Variants in ABCA13 observed in about 807,000 individuals in gnomAD.
ABCA13 encodes the protein ATP binding cassette subfamily A member 13, also known as ATP-binding cassette sub-family A member 13.
A neutral mutation model predicts 478.7 loss-of-function variants in ABCA13; 476 were observed. The ratio of observed to expected loss-of-function variants is 0.99; its 90% CI spans 0.92 to 1.07. The LOEUF (loss-of-function observed/expected upper bound fraction) is 1.07, where lower values mean the gene tolerates loss of function less well. Among genes scored for constraint, ABCA13 ranks in the 50% least tolerant of loss-of-function variants. The pLI is 0.00. For synonymous variants in ABCA13, 2,252 were observed against 2,158.9 expected, an observed-to-expected ratio of 1.04 and a Z score of -1.20; for missense variants, 6,060 against 5,910.6, an observed-to-expected ratio of 1.03 and a Z score of -0.83.
chr7:48,526,773 T>C (rs1054879137), intron 54 of ABCA13, among the ~76,000 whole-genome samples: 7 of 152,218 alleles, frequency 4.6e-5, no homozygotes, highest in African/African-American at 1.7e-4. Context: ...CCATTGTATA[T>C]GCAGTTCATC....
At chr7:48,303,623 G>A (rs1800479076) in intron 23 of ABCA13, among the ~76,000 whole-genome samples, 2 of 152,070 alleles carry the variant, frequency 1.3e-5, no homozygotes, top group African/African-American at 4.8e-5. Flanking sequence ...TGTCAGGTTT[G>A]TCGAAGATCA....
chr7:48,421,997 G>A (rs1397646053), intron 41 of ABCA13, among the ~76,000 whole-genome samples: 1 of 128,388 alleles, frequency 7.8e-6, no homozygotes, highest in Non-Finnish European at 1.6e-5. Context: ...GTGTGAACCT[G>A]CCCCACTTCA....
intron 33 of ABCA13, 140 bp downstream of exon 33, chr7:48,372,637 A>T (rs1812831120): frequency 1.3e-6 from 1 of 748,828 alleles, no homozygotes; most frequent in Non-Finnish European, 2.0e-6. Flanking sequence ...TGCTTTTTAA[A>T]ATCTTACCCA....
chr7:48,284,616 TA>T (rs1198955646), intron 19 of ABCA13, among the ~76,000 whole-genome samples: 1 of 152,242 alleles, frequency 6.6e-6, no homozygotes, highest in African/African-American at 2.4e-5. Context: ...TTAAATGAAT[TA>T]AACATTCATT....
chr7:48,264,083 T>G (rs893232421), intron 15 of ABCA13, among the ~76,000 whole-genome samples: 15 of 151,966 alleles, frequency 9.9e-5, no homozygotes, highest in Non-Finnish European at 1.9e-4. Flanking sequence ...TTACTTAGCA[T>G]AATTAATTAG....
At chr7:48,294,284 G>A (rs963501115) in intron 20 of ABCA13, among the ~76,000 whole-genome samples, 1 of 151,812 alleles carries the variant, frequency 6.6e-6, no homozygotes, top group East Asian at 1.9e-4. Flanking sequence ...TACAATATTG[G>A]CAACTATAAT....
intron 59 of ABCA13, among the ~76,000 whole-genome samples, chr7:48,625,102 C>T (rs1793538346): frequency 6.6e-6 from 1 of 151,478 alleles, no homozygotes; most frequent in Non-Finnish European, 1.5e-5. Flanking sequence ...GATTTTTTTC[C>T]TAAAAAAAAT....
intron 21 of ABCA13, among the ~76,000 whole-genome samples, chr7:48,296,162 G>A (rs1317389845): frequency 6.6e-6 from 1 of 152,136 alleles, no homozygotes; most frequent in African/African-American, 2.4e-5. Context: ...GGCTGATGTG[G>A]GAGAATCGCT....
At chr7:48,425,391 A>G (rs1821268611) in intron 41 of ABCA13, among the ~76,000 whole-genome samples, 1 of 152,226 alleles carries the variant, frequency 6.6e-6, no homozygotes, top group Admixed American at 6.5e-5. Flanking sequence ...TGAAAATTCC[A>G]TTTAGAATAA....
chr7:48,266,485 A>C (rs1031314590), intron 15 of ABCA13, among the ~76,000 whole-genome samples: 5 of 151,760 alleles, frequency 3.3e-5, no homozygotes, highest in African/African-American at 9.7e-5. Context: ...TTAGTATCAT[A>C]AGGATTTTTT....
intron 15 of ABCA13, among the ~76,000 whole-genome samples, chr7:48,261,104 A>G (rs1794119062): frequency 6.6e-6 from 1 of 151,904 alleles, no homozygotes; most frequent in Non-Finnish European, 1.5e-5. Flanking sequence ...CAGCATGCCA[A>G]TATATTGACT....
At chr7:48,393,031 G>A (rs75004793) in intron 38 of ABCA13, among the ~76,000 whole-genome samples, 53 of 152,304 alleles carry the variant, frequency 3.5e-4, no homozygotes, top group Non-Finnish European at 6.6e-4. Flanking sequence ...TATCCAGGAT[G>A]GGAAGCAAGG....
chr7:48,412,516 C>T lies in ABCA13; in HGVS notation c.12392C>T (p.Ala4131Val), dbSNP rs1819405996. Residue 4131 changes from alanine (A) to valine (V), a missense_variant, in exon 41 of 62, where the codon GCC (alanine) becomes GTC (valine). Around this residue, in one of 3 missense-constraint regions of ABCA13, gnomAD observed 1,627 missense variants for 1,571.0 expected, o/e 1.04. Transcript: ENST00000435803. ...DKACLKGLFQ[A>V]LDENLHQLHL... ...GCCTGCTTGAAAGGGCTCTTCCAGG[C>T]CCTGGATGAGAACCTGCATCAGCTG... 1.9e-6 allele frequency: 3 copies of T among 1,613,324 alleles called. No homozygotes were observed. Among genetic ancestry groups the T allele is most frequent in the South Asian group, 1.1e-5 (1 of 91,032 alleles).
chr7:48,527,030 G>A (rs993557204), intron 54 of ABCA13, among the ~76,000 whole-genome samples: 2 of 152,162 alleles, frequency 1.3e-5, no homozygotes, highest in Non-Finnish European at 2.9e-5. Context: ...TGCATGAGTG[G>A]TATTGTCTTC....
chr7:48,206,382 G>A (rs1016743791), intron 3 of ABCA13, among the ~76,000 whole-genome samples: 12 of 152,186 alleles, frequency 7.9e-5, no homozygotes, highest in Non-Finnish European at 1.8e-4. Context: ...TGTAGGCTAA[G>A]AGCAATAGGC....
At position 48,288,063 on chromosome 7, in the gene ABCA13, G is replaced by A. The variant is rs750609118; in HGVS notation, c.8940G>A (p.Ala2980=). The change falls in exon 20 of 62, where the codon GCG becomes GCA. Residue 2980 remains alanine (A), a synonymous_variant. Transcript: ENST00000435803. The part of the protein sequence containing the change: ...ILSAIQGVTL[A]QDHFQEIEKI... ...CTGCTATACAAGGGGTCACTTTGGC[G>A]CAGGACCACTTCCAGGTTTGTCGTC... 3.3e-5 allele frequency: 53 copies of A among 1,613,724 alleles called. No individual in the cohort carries two copies. Among genetic ancestry groups the A allele is most frequent in the South Asian group, 8.8e-5 (8 of 91,074 alleles).
At chr7:48,512,377 T>A (rs1193298543) in intron 51 of ABCA13, among the ~76,000 whole-genome samples, 1 of 152,214 alleles carries the variant, frequency 6.6e-6, no homozygotes, top group Admixed American at 6.5e-5. Context: ...TTGTTACTCT[T>A]TAGAATTATT....
At chr7:48,383,519 C>T (rs1044904253) in intron 35 of ABCA13, among the ~76,000 whole-genome samples, 3 of 152,196 alleles carry the variant, frequency 2.0e-5, no homozygotes, top group African/African-American at 7.2e-5. Context: ...TCCTTGCGTA[C>T]ACTCAAAATG....
At chr7:48,241,139 T>A in intron 10 of ABCA13, 73 bp downstream of exon 10, 1 of 1,502,160 alleles carries the variant, frequency 6.7e-7, no homozygotes, top group South Asian at 1.2e-5. Context: ...GTGATGATAC[T>A]GTTAGAAACA....
Sources: allele counts gnomAD v4.1 joint callset (sites outside exome capture counted in the v4.1 genomes callset), GRCh38; gene constraint gnomAD v4.1.1; regional missense constraint gnomAD v4.1.1; transcripts MANE v1.5; gene names NCBI Gene and HGNC (gene_info 2026-07-23, HGNC 2026-07-21).